Variants in MGAT4C observed in about 807,000 individuals in gnomAD.
MGAT4C encodes the protein alpha-1,3-mannosyl-glycoprotein 4-beta-N-acetylglucosaminyltransferase C.
Under a neutral mutation model 40.1 loss-of-function variants are expected in MGAT4C, and 19 were observed. The ratio of observed to expected loss-of-function variants is 0.47; its 90% CI spans 0.33 to 0.70. The LOEUF (loss-of-function observed/expected upper bound fraction) is 0.70, where lower values mean the gene tolerates loss of function less well. MGAT4C is among the 30% of genes least tolerant of loss of function. MGAT4C has a pLI of 0.02. For missense variants in MGAT4C, 491 were observed against 563.2 expected (o/e 0.87, Z 1.30); for synonymous variants, 181 against 187.1 (o/e 0.97, Z 0.27).
At chr12:86,104,690 C>T (rs1259795962) in intron 1 of MGAT4C, among the ~76,000 whole-genome samples, 2 of 151,982 alleles carry the variant, frequency 1.3e-5, no homozygotes, top group African/African-American at 4.8e-5. Flanking sequence ...TACAGAAAAT[C>T]GAAATAAGCC....
chr12:86,123,097 C>G (rs942214168), intron 1 of MGAT4C, among the ~76,000 whole-genome samples: 2 of 152,126 alleles, frequency 1.3e-5, no homozygotes, highest in Admixed American at 1.3e-4. Flanking sequence ...GCTGTATGTG[C>G]TGAATGCAAA....
chr12:86,565,485 G>A (rs1398748664), intron 2 of MGAT4C, among the ~76,000 whole-genome samples: 2 of 152,232 alleles, frequency 1.3e-5, no homozygotes, highest in African/African-American at 4.8e-5. Flanking sequence ...CTGAAGGTCA[G>A]TGGCAAAGAG....
At chr12:86,233,945 A>G (rs557271185) in intron 1 of MGAT4C, among the ~76,000 whole-genome samples, 2 of 152,274 alleles carry the variant, frequency 1.3e-5, no homozygotes, top group South Asian at 2.1e-4. Context: ...TATAATATGT[A>G]TTATGTAATG....
intron 1 of MGAT4C, among the ~76,000 whole-genome samples, chr12:86,812,033 A>C (rs142710472): frequency 6.6e-6 from 1 of 152,240 alleles, no homozygotes; most frequent in African/African-American, 2.4e-5. Context: ...TCTAGTCTAC[A>C]TTTTTTAAAA....
intron 1 of MGAT4C, among the ~76,000 whole-genome samples, chr12:86,774,142 T>G (rs749468188): frequency 6.6e-6 from 1 of 151,388 alleles, no homozygotes; most frequent in Admixed American, 6.6e-5. Flanking sequence ...TTAGTAAACA[T>G]CGGATTTCAC....
rs894886917 is a variant in MGAT4C at position 86,641,343 on chromosome 12, G to A, written c.-229+85866C>T. ...ATGACAACACATGGACACAGGAAGG[G>A]GAACATTACACTCTGGGGACTGTTG... is the stretch of plus-strand genomic sequence containing the variant. On this transcript the variant is annotated intron_variant, in intron 2 of 7. Coordinates refer to the MGAT4C transcript ENST00000548651. Among the ~76,000 whole-genome samples the A allele has an allele frequency of 2.2e-4, 33 of 151,498 alleles. No homozygotes were observed. In the Admixed American group the frequency reaches 2.2e-3, roughly 10 times the overall value.
intron 2 of MGAT4C, among the ~76,000 whole-genome samples, chr12:86,547,578 A>C (rs563921359): frequency 2.0e-5 from 3 of 152,250 alleles, no homozygotes; most frequent in East Asian, 3.9e-4. Flanking sequence ...GTCCAATTTA[A>C]GCTTGTATCT....
At chr12:86,665,058 C>T (rs919606441) in intron 2 of MGAT4C, among the ~76,000 whole-genome samples, 3 of 151,992 alleles carry the variant, frequency 2.0e-5, no homozygotes, top group African/African-American at 7.2e-5. Flanking sequence ...CCCCTCCCCC[C>T]ACCACCTTGT....
chr12:86,224,544 T>C (rs1156670353), intron 1 of MGAT4C, among the ~76,000 whole-genome samples: 4 of 152,172 alleles, frequency 2.6e-5, no homozygotes, highest in African/African-American at 9.7e-5. Flanking sequence ...GTAAACCATA[T>C]GTTACACCAT....
chr12:86,133,193 T>C (rs556707642), intron 1 of MGAT4C, among the ~76,000 whole-genome samples: 11 of 152,364 alleles, frequency 7.2e-5, no homozygotes, highest in African/African-American at 2.6e-4. Context: ...AAAATGTACT[T>C]AGAAAGCACA....
At chr12:86,736,780 A>T (rs1327790768) in intron 1 of MGAT4C, among the ~76,000 whole-genome samples, 1 of 151,872 alleles carries the variant, frequency 6.6e-6, no homozygotes. Context: ...AAGACAAATT[A>T]CAAAAACTGT....
intron 3 of MGAT4C, among the ~76,000 whole-genome samples, chr12:86,361,021 T>C (rs1955452432): frequency 8.2e-6 from 1 of 122,634 alleles, no homozygotes; most frequent in Non-Finnish European, 1.7e-5. Context: ...AGAGCCTGCA[T>C]TGCAAGGACA....
At chr12:86,679,330 C>G (rs894201221) in intron 2 of MGAT4C, among the ~76,000 whole-genome samples, 1 of 152,014 alleles carries the variant, frequency 6.6e-6, no homozygotes, top group Non-Finnish European at 1.5e-5. Flanking sequence ...TCTTAACACA[C>G]TAACCATCAA....
At chr12:86,020,046 C>A (rs896881107) in intron 2 of MGAT4C, among the ~76,000 whole-genome samples, 1 of 152,062 alleles carries the variant, frequency 6.6e-6, no homozygotes, top group Non-Finnish European at 1.5e-5. Context: ...GATTTTGTAT[C>A]CTGAGACTTC....
intron 2 of MGAT4C, among the ~76,000 whole-genome samples, chr12:86,009,588 C>T (rs1428870809): frequency 6.6e-6 from 1 of 152,196 alleles, no homozygotes; most frequent in African/African-American, 2.4e-5. Context: ...TTTCCCACCC[C>T]ATCCCCCCAA....
intron 4 of MGAT4C, among the ~76,000 whole-genome samples, chr12:86,268,674 T>TA (rs386377244): frequency 6.8e-6 from 1 of 146,668 alleles, no homozygotes; most frequent in East Asian, 2.0e-4. Flanking sequence ...CATATATATA[T>TA]ATATACATAT....
chr12:86,350,948 TA>T (rs1566311087), intron 3 of MGAT4C, among the ~76,000 whole-genome samples: 1 of 151,858 alleles, frequency 6.6e-6, no homozygotes, highest in African/African-American at 2.4e-5. Context: ...GTTGTTTTTT[TA>T]ATTTTCTTTT....
intron 1 of MGAT4C, among the ~76,000 whole-genome samples, chr12:86,207,429 T>A (rs991818278): frequency 6.6e-6 from 1 of 152,004 alleles, no homozygotes; most frequent in Non-Finnish European, 1.5e-5. Flanking sequence ...GTCCTAATGC[T>A]CTCCCTCCCC....
intron 2 of MGAT4C, among the ~76,000 whole-genome samples, chr12:86,484,451 C>T (rs1465670236): frequency 1.3e-5 from 2 of 152,198 alleles, no homozygotes; most frequent in African/African-American, 4.8e-5. Context: ...CCTCTGCTGC[C>T]CAACCTGGTG....
Sources: gnomAD v4.1 joint callset for allele counts (sites outside exome capture counted in the v4.1 genomes callset) on GRCh38, gnomAD v4.1.1 for gene constraint, MANE v1.5 for transcripts, NCBI Gene and HGNC (gene_info 2026-07-23, HGNC 2026-07-21) for gene names.